Variants in MEGF6 observed in about 807,000 individuals in gnomAD.
The protein encoded by MEGF6 is multiple epidermal growth factor-like domains protein 6.
Under a neutral mutation model 207.1 loss-of-function variants are expected in MEGF6, and 184 were observed. The observed-to-expected ratio is 0.89, with a 90% CI of 0.79 to 1.00. MEGF6 has a LOEUF of 1.00. Ranked by LOEUF, MEGF6 falls within the 50% of genes least tolerant of loss-of-function variation. MEGF6 has a pLI of 0.00. For missense variants in MEGF6, 2,282 were observed against 2,202.9 expected, an observed-to-expected ratio of 1.04 and a Z score of -0.72; for synonymous variants, 1,038 against 910.0, an observed-to-expected ratio of 1.14 and a Z score of -2.53.
At chr1:3,537,556 C>T (rs569842460) in intron 4 of MEGF6, among the ~76,000 whole-genome samples, 1 of 152,362 alleles carries the variant, frequency 6.6e-6, no homozygotes, top group South Asian at 2.1e-4. Context: ...GGCCGGGGGG[C>T]ACCGGGCCCT....
intron 3 of MEGF6, among the ~76,000 whole-genome samples, chr1:3,584,201 C>T (rs1486758326): frequency 6.6e-6 from 1 of 152,204 alleles, no homozygotes; most frequent in Non-Finnish European, 1.5e-5. Context: ...TCTTTAATGC[C>T]CCCCACTTTC....
At chr1:3,528,153 G>A (rs1041297904) in intron 4 of MEGF6, among the ~76,000 whole-genome samples, 8 of 152,248 alleles carry the variant, frequency 5.3e-5, no homozygotes, top group Non-Finnish European at 1.2e-4. Context: ...GGACGACAGA[G>A]GCCTACAGGG....
intron 5 of MEGF6, among the ~76,000 whole-genome samples, chr1:3,521,062 C>T (rs374111805): frequency 2.0e-5 from 3 of 152,272 alleles, no homozygotes; most frequent in East Asian, 3.9e-4. Context: ...GCCTCAAGCC[C>T]GTGGGGGCAT....
chr1:3,569,738 G>A (rs910214566), intron 4 of MEGF6, among the ~76,000 whole-genome samples: 3 of 152,242 alleles, frequency 2.0e-5, no homozygotes, highest in Non-Finnish European at 4.4e-5. Flanking sequence ...CTATGGGCAG[G>A]AAGACTTGAG....
chr1:3,604,930 C>G lies in MEGF6; in HGVS notation c.132-2330G>C, dbSNP rs570965251. Among the ~76,000 whole-genome samples, 29 of 152,190 alleles carry G rather than the reference C, an allele frequency of 1.9e-4. No homozygotes were observed. In the East Asian group the frequency reaches 5.6e-3, roughly 29 times the overall value. ...GGGTCCTGACCTCATTCCTGACCCC[C>G]AGACTACAGCACCCATGGGGGATGG... On this transcript the variant is annotated intron_variant, in intron 1 of 36. Coordinates refer to ENST00000356575, the MANE Select transcript of MEGF6 (RefSeq NM_001409.4).
chr1:3,492,279 C>T (rs1012529938), intron 35 of MEGF6, among the ~76,000 whole-genome samples: 4 of 152,152 alleles, frequency 2.6e-5, no homozygotes, highest in African/African-American at 7.2e-5. Flanking sequence ...GGCCAGCGTC[C>T]ATCCACACTG....
chr1:3,548,329 C>T (rs72853558), intron 4 of MEGF6, among the ~76,000 whole-genome samples: 19,217 of 152,262 alleles, frequency 0.13, 1,758 homozygotes, highest in African/African-American at 0.25. Context: ...GGAAGAGCCC[C>T]GGGCGGGGCC....
intron 1 of MEGF6, among the ~76,000 whole-genome samples, chr1:3,603,903 G>A (rs74391349): frequency 1.3e-5 from 2 of 152,196 alleles, no homozygotes; most frequent in Non-Finnish European, 2.9e-5. Flanking sequence ...CCTGGGGCTC[G>A]TGCTGTGTGG....
chr1:3,580,939 G>A (rs890235628), intron 3 of MEGF6, among the ~76,000 whole-genome samples: 16 of 152,114 alleles, frequency 1.1e-4, no homozygotes, highest in African/African-American at 3.9e-4. Context: ...TCTAGACAAG[G>A]GGGCCCTGCC....
intron 2 of MEGF6, among the ~76,000 whole-genome samples, chr1:3,597,797 A>G (rs2995006): frequency 0.89 from 135,669 of 152,206 alleles, 60,505 homozygotes; most frequent in East Asian, 0.98. Flanking sequence ...CCGGCCTCTG[A>G]AGCTGGGAGA....
At chr1:3,495,494 C>G (rs556796934) in intron 30 of MEGF6, among the ~76,000 whole-genome samples, 1 of 152,182 alleles carries the variant, frequency 6.6e-6, no homozygotes, top group Non-Finnish European at 1.5e-5. Context: ...GTCCCTGAGC[C>G]CTGGGCCTGG....
intron 1 of MEGF6, among the ~76,000 whole-genome samples, chr1:3,610,346 TGAGG>T (rs1203294108): frequency 6.6e-6 from 1 of 152,160 alleles, no homozygotes; most frequent in Non-Finnish European, 1.5e-5. Flanking sequence ...GGGAACAGCC[TGAGG>T]GCCCCTCTGT....
chr1:3,496,911 C>T, intron 28 of MEGF6, 77 bp downstream of exon 28: 1 of 1,528,168 alleles, frequency 6.5e-7, no homozygotes, highest in Non-Finnish European at 8.8e-7. Context: ...GAGGGCCTTC[C>T]CGGGGACCAG....
chr1:3,587,993 A>T (rs1472660972), intron 3 of MEGF6, among the ~76,000 whole-genome samples: 1 of 88 alleles, frequency 0.011, no homozygotes. Flanking sequence ...GGGGCAGGAG[A>T]GGCCAGGAGG....
At chr1:3,523,079 G>C (rs565382798) in intron 5 of MEGF6, among the ~76,000 whole-genome samples, 46 of 151,702 alleles carry the variant, frequency 3.0e-4, no homozygotes, top group African/African-American at 1.1e-3. Context: ...TGTGCCGGGG[G>C]GGGGGCCCCA....
At chr1:3,606,930 A>G (rs143713975) in intron 1 of MEGF6, among the ~76,000 whole-genome samples, 190 of 152,102 alleles carry the variant, frequency 1.2e-3, no homozygotes, top group African/African-American at 4.4e-3. Context: ...GAGAGGGCAG[A>G]GCTGTGAGCT....
chr1:3,536,496 G>C (rs556052483), intron 4 of MEGF6, among the ~76,000 whole-genome samples: 7 of 152,148 alleles, frequency 4.6e-5, no homozygotes, highest in African/African-American at 1.7e-4. Context: ...GCGTGGCCGT[G>C]GGGGGCAGCA....
chr1:3,570,986 C>T (rs1259652596), intron 4 of MEGF6, among the ~76,000 whole-genome samples: 2 of 152,198 alleles, frequency 1.3e-5, no homozygotes, highest in African/African-American at 2.4e-5. Context: ...ATCTCCCCCT[C>T]TGAGCCGGCT....
At chr1:3,512,558 G>C (rs556682144) in intron 7 of MEGF6, among the ~76,000 whole-genome samples, 15 of 152,336 alleles carry the variant, frequency 9.8e-5, no homozygotes, top group African/African-American at 3.4e-4. Context: ...GAATCATGGG[G>C]GTGGGTCTTT....
Sources: allele counts gnomAD v4.1 joint callset (sites outside exome capture counted in the v4.1 genomes callset), GRCh38; gene constraint gnomAD v4.1.1; transcripts MANE v1.5; gene names NCBI Gene and HGNC (gene_info 2026-07-23, HGNC 2026-07-21).